RBFOX1: variants seen among roughly 807,000 people sequenced by gnomAD.
RBFOX1 encodes RNA binding protein fox-1 homolog 1.
Under a neutral mutation model 57.7 loss-of-function variants are expected in RBFOX1, and 8 were observed. The ratio of observed to expected loss-of-function variants is 0.14; its 90% CI spans 0.08 to 0.25. The LOEUF (loss-of-function observed/expected upper bound fraction) is 0.25, where lower values mean the gene tolerates loss of function less well. Among genes scored for constraint, RBFOX1 ranks in the 10% least tolerant of loss-of-function variants. The pLI is 1.00. For missense variants in RBFOX1, 611 were observed against 548.5 expected (o/e 1.11, Z -1.14); for synonymous variants, 326 against 222.4 (o/e 1.47, Z -4.15).
At chr16:5,277,388 T>A (rs938343043) in intron 1 of RBFOX1, among the ~76,000 whole-genome samples, 1 of 152,096 alleles carries the variant, frequency 6.6e-6, no homozygotes, top group Non-Finnish European at 1.5e-5. Context: ...ATTTCAGAGA[T>A]CACCACTGAA....
At chr16:5,703,708 T>G (rs898715563) in intron 3 of RBFOX1, among the ~76,000 whole-genome samples, 4 of 152,210 alleles carry the variant, frequency 2.6e-5, no homozygotes, top group Non-Finnish European at 4.4e-5. Context: ...GATAATGTCT[T>G]TATTGCATAA....
intron 4 of RBFOX1, among the ~76,000 whole-genome samples, chr16:7,488,443 TTG>T (rs1491407074): frequency 2.4e-3 from 358 of 152,120 alleles, no homozygotes; most frequent in Non-Finnish European, 4.3e-3. Context: ...CATTCTTTCG[TTG>T]TTTGTCTATC....
intron 5 of RBFOX1, among the ~76,000 whole-genome samples, chr16:7,536,325 G>C (rs1217471871): frequency 6.6e-6 from 1 of 152,230 alleles, no homozygotes; most frequent in Non-Finnish European, 1.5e-5. Context: ...TGGGCGCGGT[G>C]GCTCATGCCT....
intron 3 of RBFOX1, among the ~76,000 whole-genome samples, chr16:6,905,448 G>A (rs1000926520): frequency 6.6e-6 from 1 of 151,926 alleles, no homozygotes; most frequent in South Asian, 2.1e-4. Context: ...AGCTACTTGG[G>A]AGTCTGAGGC....
intron 1 of RBFOX1, among the ~76,000 whole-genome samples, chr16:5,444,094 G>GACGTTAATC (rs369069952): frequency 6.6e-6 from 1 of 151,726 alleles, no homozygotes; most frequent in Non-Finnish European, 1.5e-5. Context: ...TATTGGCAAA[G>GACGTTAATC]GTGACACTGA....
At chr16:7,131,830 C>G (rs1275382913) in intron 4 of RBFOX1, among the ~76,000 whole-genome samples, 1 of 151,976 alleles carries the variant, frequency 6.6e-6, no homozygotes, top group Non-Finnish European at 1.5e-5. Context: ...TAATTTTTCC[C>G]TACATCTAAA....
intron 1 of RBFOX1, among the ~76,000 whole-genome samples, chr16:6,161,493 G>A (rs1002711248): frequency 1.3e-5 from 2 of 152,198 alleles, no homozygotes; most frequent in Admixed American, 6.5e-5. Flanking sequence ...CCACACAAGG[G>A]AAGCAGGGGT....
intron 1 of RBFOX1, among the ~76,000 whole-genome samples, chr16:5,465,913 T>C (rs2068938204): frequency 6.6e-6 from 1 of 152,140 alleles, no homozygotes; most frequent in Non-Finnish European, 1.5e-5. Context: ...CTGCATCTGG[T>C]CTCTGTCCAC....
chr16:7,216,048 T>C (rs368536860), intron 4 of RBFOX1, among the ~76,000 whole-genome samples: 1 of 152,160 alleles, frequency 6.6e-6, no homozygotes. Flanking sequence ...ACTGGAATCA[T>C]ACAGTATTTG....
At chr16:7,318,691 C>A (rs956467204) in intron 4 of RBFOX1, among the ~76,000 whole-genome samples, 1 of 152,020 alleles carries the variant, frequency 6.6e-6, no homozygotes, top group Non-Finnish European at 1.5e-5. Flanking sequence ...CAAAAAGGTA[C>A]CTAGTGGCTT....
rs147116072 is a variant in RBFOX1 at position 7,043,842 on chromosome 16, T to C, written c.-15-8215T>C. 2.5e-4 allele frequency among the ~76,000 whole-genome samples: 38 copies of C among 152,338 alleles called. No individual in the cohort carries two copies. The East Asian group carries it at 7.3e-3, about 29-fold the overall frequency. ...ATTCAATTACTGCACTTCCATAATCTCACTGAGCTTTCCACACATCCTCCT... is the reference window on the plus strand; with the variant it reads ...ATTCAATTACTGCACTTCCATAATCCCACTGAGCTTTCCACACATCCTCCT... On this transcript the variant is annotated intron_variant, in intron 3 of 15. Coordinates refer to ENST00000550418, the MANE Select transcript of RBFOX1 (RefSeq NM_018723.4).
chr16:6,006,014 G>C (rs981346973), intron 4 of RBFOX1, among the ~76,000 whole-genome samples: 2 of 152,228 alleles, frequency 1.3e-5, no homozygotes, highest in Non-Finnish European at 2.9e-5. Context: ...GGAGAGTCTT[G>C]TATGGTAAGC....
intron 3 of RBFOX1, among the ~76,000 whole-genome samples, chr16:7,001,392 G>A (rs71386444): frequency 9.5e-5 from 8 of 84,076 alleles, no homozygotes; most frequent in Non-Finnish European, 1.3e-4. Context: ...GTATGTGTAT[G>A]TGTATTTGTA....
At chr16:5,920,979 T>C (rs1271499500) in intron 4 of RBFOX1, among the ~76,000 whole-genome samples, 2 of 128,890 alleles carry the variant, frequency 1.6e-5, no homozygotes, top group African/African-American at 2.7e-5. Context: ...CTCTTCCCTG[T>C]GTGACGTTGA....
chr16:5,856,308 CACAT>C (rs1323651792), intron 3 of RBFOX1, among the ~76,000 whole-genome samples: 3 of 73,788 alleles, frequency 4.1e-5, no homozygotes, highest in Non-Finnish European at 7.8e-5. Flanking sequence ...CACACACACA[CACAT>C]ATATATAGGG....
intron 3 of RBFOX1, among the ~76,000 whole-genome samples, chr16:5,804,881 T>G (rs1000585810): frequency 3.3e-5 from 5 of 152,148 alleles, no homozygotes; most frequent in African/African-American, 1.2e-4. Context: ...CTCTGATGGA[T>G]ATGTGGGGAA....
intron 3 of RBFOX1, among the ~76,000 whole-genome samples, chr16:6,746,826 T>C (rs2073778735): frequency 6.6e-6 from 1 of 152,198 alleles, no homozygotes; most frequent in Admixed American, 6.5e-5. Context: ...CCAAGTCTGT[T>C]ATAGGAATGT....
chr16:7,105,805 T>A (rs1373599372), intron 4 of RBFOX1, among the ~76,000 whole-genome samples: 1 of 150,182 alleles, frequency 6.7e-6, no homozygotes, highest in Non-Finnish European at 1.5e-5. Context: ...TAGATAGAGA[T>A]ATCACAGGTT....
chr16:6,550,469 G>C (rs2096969719), intron 2 of RBFOX1, among the ~76,000 whole-genome samples: 1 of 152,164 alleles, frequency 6.6e-6, no homozygotes. Flanking sequence ...GGGATTATAG[G>C]CGTCTGCCAC....
Sources: allele counts gnomAD v4.1 joint callset (sites outside exome capture counted in the v4.1 genomes callset), GRCh38; gene constraint gnomAD v4.1.1; transcripts MANE v1.5; gene names NCBI Gene and HGNC (gene_info 2026-07-23, HGNC 2026-07-21).